The following IGSF22 variants were observed in gnomAD, a reference collection of about 807,000 sequenced individuals.
IGSF22 encodes immunoglobulin superfamily member 22.
In IGSF22, 119 loss-of-function variants were observed where a neutral mutation model predicts 127.0. The observed-to-expected ratio is 0.94, with a 90% CI of 0.81 to 1.09. The LOEUF (loss-of-function observed/expected upper bound fraction) is 1.09, where lower values mean the gene tolerates loss of function less well. Ranked by LOEUF, IGSF22 falls within the 50% of genes least tolerant of loss-of-function variation. The pLI is 0.00. For missense variants in IGSF22, 1,518 were observed against 1,716.6 expected (o/e 0.88, Z 2.04); for synonymous variants, 568 against 664.7 (o/e 0.85, Z 2.24).
At chr11:18,706,509 T>A (rs1848236598) in intron 21 of IGSF22, 1 of 367,002 alleles carries the variant, frequency 2.7e-6, no homozygotes, top group African/African-American at 2.1e-5. Flanking sequence ...TCCCCTCTTA[T>A]CCCTTTAGCT....
intron 8 of IGSF22, among the ~76,000 whole-genome samples, 189 bp downstream of exon 8, chr11:18,718,426 G>A (rs1427396600): frequency 6.6e-6 from 1 of 152,184 alleles, no homozygotes; most frequent in Non-Finnish European, 1.5e-5. Context: ...AGAGGAATGT[G>A]ACTCTCTTAC....
chr11:18,715,436 C>T lies in IGSF22; in HGVS notation c.1527G>A (p.Val509=), dbSNP rs1199582767. 6.2e-7 allele frequency: 1 copy of T among 1,608,408 alleles called. No individual in the cohort carries two copies. The change falls in exon 11 of 23, where the codon GTG becomes GTA. Residue 509 remains valine (V), a synonymous_variant. Transcript: ENST00000513874. The part of the protein sequence containing the change: ...TEYYSTAIVT[V]EERLATVKSG... ...GATTGATAGGGCGGGTGTTACCCTC[C>T]ACAGTGACGATGGCAGTACTGTAGT...
chr11:18,714,880 A>G (rs920019273), intron 11 of IGSF22, among the ~76,000 whole-genome samples: 5 of 152,122 alleles, frequency 3.3e-5, no homozygotes, highest in African/African-American at 1.2e-4. Flanking sequence ...GAAAACTGGG[A>G]GATGGCTAGT....
intron 1 of IGSF22, among the ~76,000 whole-genome samples, chr11:18,724,718 G>A (rs894462273): frequency 1.3e-5 from 2 of 152,154 alleles, no homozygotes; most frequent in African/African-American, 4.8e-5. Context: ...TGGGGACCCC[G>A]GCACTGGTGG....
chr11:18,717,889 C>G, intron 9 of IGSF22, 42 bp downstream of exon 9: 1 of 1,596,806 alleles, frequency 6.3e-7, no homozygotes, highest in South Asian at 1.1e-5. Context: ...CTCTTCCAAC[C>G]CGACATGTCC....
Position 18,715,561 on chromosome 11 carries a change from G to T in IGSF22, c.1402C>A (p.His468Asn). 1.2e-6 allele frequency: 2 copies of T among 1,614,032 alleles called. No homozygotes were observed. Among genetic ancestry groups the T allele is most frequent in the Non-Finnish European group, 1.7e-6 (2 of 1,179,998 alleles). Residue 468 changes from histidine (H) to asparagine (N), a missense_variant, in exon 11 of 23, where the codon CAT (histidine) becomes AAT (asparagine). Physicochemically the swap from His to Asn is moderately conservative, Grantham distance 68. Around this residue, in one of 3 missense-constraint regions of IGSF22, gnomAD observed 1,456 missense variants for 1,644.9 expected, o/e 0.89. Coordinates refer to ENST00000513874, the MANE Select transcript of IGSF22 (RefSeq NM_173588.4). Reference protein sequence around the residue: ...LMHGTKYSMNHEGKRAELIIE... With the variant: ...LMHGTKYSMNNEGKRAELIIE... ...ATCAGCTCTGCTCGCTTGCCCTCAT[G>T]GTTCATGCTGTACTTAGTGCCATGC...
chr11:18,719,320 G>GT (rs367652448), intron 7 of IGSF22, among the ~76,000 whole-genome samples: 26,991 of 137,726 alleles, frequency 0.2, 2,531 homozygotes, highest in South Asian at 0.34. Flanking sequence ...GTTTTTTTTT[G>GT]TTTTTTTTTG....
At chr11:18,708,413 T>C (rs1848289183) in intron 18 of IGSF22, 118 bp from the exon 19 acceptor site, 19 of 688,234 alleles carry the variant, frequency 2.8e-5, no homozygotes, top group South Asian at 6.3e-5. Flanking sequence ...CTACAGGCCA[T>C]ACAGACATCT....
At chr11:18,715,875 C>T (rs377536675) in intron 10 of IGSF22, among the ~76,000 whole-genome samples, 159 bp from the exon 11 acceptor site, 18 of 152,286 alleles carry the variant, frequency 1.2e-4, no homozygotes, top group Middle Eastern at 6.8e-3. Context: ...CAGAAGTACC[C>T]GACAGGGAGA....
chr11:18,712,480 G>T, intron 14 of IGSF22, 96 bp from the exon 15 acceptor site: 1 of 1,158,316 alleles, frequency 8.6e-7, no homozygotes, highest in Non-Finnish European at 1.2e-6. Flanking sequence ...CTAGGGTATA[G>T]CTGGATTTTG....
In IGSF22 at chr11:18,706,665, G is replaced by A. The variant is rs1377983560; in HGVS notation, c.3580+249C>T. The A allele has an allele frequency of 6.7e-6, 3 of 450,910 alleles. No homozygotes were observed. The East Asian group carries it at 1.1e-4, about 16-fold the overall frequency. The allele number at this position is 450,910 out of a possible 1,614,324, so 27.9% of individuals were successfully genotyped here. A position where few individuals can be genotyped will look rare whatever the true frequency, so the allele number is the denominator to read the frequency against. ...AGAGCAGAACGCGTTTGCGCTCTAT[G>A]TCCCTCCGCAGCCCCTCCACCGTCC... On this transcript the variant is annotated intron_variant, in intron 21 of 22. Transcript: ENST00000513874.
rs556899533 is a variant in IGSF22, at chr11:18,714,584, G to T, written c.1572C>A (p.His524Gln). 1 of 1,614,060 alleles carries T rather than the reference G, an allele frequency of 6.2e-7. No homozygotes were observed. Among genetic ancestry groups the T allele is most frequent in the Non-Finnish European group, 8.5e-7 (1 of 1,180,060 alleles). The change falls in exon 12 of 23, where the codon CAC (histidine) becomes CAA (glutamine). Residue 524 changes from histidine to glutamine, a missense_variant. Physicochemically the swap from His to Gln is conservative, Grantham distance 24. Transcript: ENST00000513874. ...ACTCAGCTGGGCTCCCAGTGGCCGC[G>T]TGCACGTCGGACATCCCGCTCTTCA... ...ATVKSGMSDV[H>Q]AATGSPAELC...
rs550033629 is a variant in IGSF22 at position 18,716,680 on chromosome 11, T to C, written c.1246+48A>G. On this transcript the variant is annotated intron_variant, in intron 10 of 22. Coordinates refer to ENST00000513874, the MANE Select transcript of IGSF22 (RefSeq NM_173588.4). This position sits in a 1 kb window ranked among gnomAD's most constrained non-coding sequence, Gnocchi z 4.5. ...TAAATGATGACTACCTGCATGGAGGTTGCTGTGCCATAAAGCCCACCCCTT... is the reference window on the plus strand; with the variant it reads ...TAAATGATGACTACCTGCATGGAGGCTGCTGTGCCATAAAGCCCACCCCTT... 6 of 1,580,298 alleles carry C rather than the reference T, an allele frequency of 3.8e-6. No homozygotes were observed. The highest frequency in any genetic ancestry group is 2.7e-5 in the African/African-American group (2 of 74,290).
intron 18 of IGSF22, among the ~76,000 whole-genome samples, 152 bp from the exon 19 acceptor site, chr11:18,708,447 C>T (rs914688127): frequency 3.9e-5 from 6 of 152,230 alleles, no homozygotes; most frequent in African/African-American, 1.4e-4. Context: ...CCCTGTGAAG[C>T]ATTTATTTGT....
At chr11:18,723,463 G>A (rs1848604875) in intron 2 of IGSF22, among the ~76,000 whole-genome samples, 1 of 152,238 alleles carries the variant, frequency 6.6e-6, no homozygotes, top group African/African-American at 2.4e-5. Context: ...GGAGGACTTT[G>A]AGGGACTCTA....
chr11:18,706,518 C>T (rs1046301944), intron 21 of IGSF22: 1 of 364,080 alleles, frequency 2.7e-6, no homozygotes, highest in Admixed American at 4.4e-5. Context: ...ATCCCTTTAG[C>T]TCCTCAGTTC....
chr11:18,723,162 C>T (rs1286614035), intron 2 of IGSF22, among the ~76,000 whole-genome samples: 2 of 152,192 alleles, frequency 1.3e-5, no homozygotes, highest in Non-Finnish European at 2.9e-5. Context: ...CAGTGGTCTA[C>T]AGCTTTGGCT....
At position 18,706,965 on chromosome 11, in the gene IGSF22, C is replaced by T; in HGVS notation, c.3529G>A (p.Asp1177Asn). Residue 1177 changes from aspartate to asparagine, a missense_variant, in exon 21 of 23, where the codon GAC (aspartate) becomes AAC (asparagine). Physicochemically the swap from Asp to Asn is conservative, Grantham distance 23. Around this residue, in one of 3 missense-constraint regions of IGSF22, gnomAD observed 1,456 missense variants for 1,644.9 expected, o/e 0.89. Transcript: ENST00000513874. The stretch of plus-strand genomic sequence containing the variant: ...TCCCTGGAGTCAAGTGGCTCACTGT[C>T]ACCGATTTCATTCCGAGCCACCACT... ...FRVVARNEIG[D>N]SEPLDSRDTW... is the part of the protein sequence containing the mutation. The T allele has an allele frequency of 6.5e-7, 1 of 1,539,812 alleles. No individual in the cohort carries two copies. Among genetic ancestry groups the T allele is most frequent in the South Asian group, 1.2e-5 (1 of 81,734 alleles).
At chr11:18,720,000 C>T in intron 6 of IGSF22, 64 bp downstream of exon 6, 1 of 1,611,398 alleles carries the variant, frequency 6.2e-7, no homozygotes, top group Admixed American at 1.7e-5. Context: ...GTTGAGAGGC[C>T]TTTGAGAGGC....
Sources: allele counts gnomAD v4.1 joint callset (sites outside exome capture counted in the v4.1 genomes callset), GRCh38; gene constraint gnomAD v4.1.1; regional missense constraint gnomAD v4.1.1; non-coding constraint Gnocchi (gnomAD v3.1); transcripts MANE v1.5; gene names NCBI Gene and HGNC (gene_info 2026-07-23, HGNC 2026-07-21).